Variants in SORCS2 observed in about 807,000 individuals in gnomAD.
SORCS2 encodes VPS10 domain-containing receptor SorCS2.
SORCS2 carries 100 observed loss-of-function variants against 141.6 expected under a neutral mutation model. The ratio of observed to expected loss-of-function variants is 0.71; its 90% CI spans 0.60 to 0.83. The LOEUF is 0.83. Ranked by LOEUF, SORCS2 falls within the 40% of genes least tolerant of loss-of-function variation. The pLI is 0.00. For missense variants in SORCS2, 1,646 were observed against 1,560.2 expected, an observed-to-expected ratio of 1.05 and a Z score of -0.93; for synonymous variants, 789 against 676.9, an observed-to-expected ratio of 1.17 and a Z score of -2.57.
chr4:7,508,404 A>T lies in SORCS2; in HGVS notation c.549-23126A>T, dbSNP rs1732409819. Among the ~76,000 whole-genome samples, 4 of 141,340 alleles carry T rather than the reference A, an allele frequency of 2.8e-5. No homozygotes were observed. In the South Asian group the frequency reaches 8.8e-4, roughly 31 times the overall value. The allele number at this position is 141,340 out of a possible 152,430, so 92.7% of individuals were successfully genotyped here. The stretch of plus-strand genomic sequence containing the variant: ...GTCTCACTTTGGCTCATGCTGGAGT[A>T]CAGTGGCATGATCTTGGCTCACTGC... On this transcript the variant is annotated intron_variant, in intron 2 of 26. Transcript: ENST00000507866.
At chr4:7,588,608 C>G (rs773366227) in intron 3 of SORCS2, among the ~76,000 whole-genome samples, 6 of 152,116 alleles carry the variant, frequency 3.9e-5, no homozygotes, top group Non-Finnish European at 8.8e-5. Context: ...CGTGGGCTGG[C>G]CTTACCAGCA....
chr4:7,224,023 A>G (rs1436766348), intron 1 of SORCS2, among the ~76,000 whole-genome samples: 2 of 152,232 alleles, frequency 1.3e-5, no homozygotes, highest in Non-Finnish European at 2.9e-5. Flanking sequence ...ATAGCAATGC[A>G]GAGAGGGTGG....
intron 3 of SORCS2, among the ~76,000 whole-genome samples, chr4:7,568,629 C>T (rs892323878): frequency 2.6e-5 from 4 of 152,048 alleles, no homozygotes; most frequent in African/African-American, 4.8e-5. Context: ...AGGTGGAAAC[C>T]GTGAACAACC....
intron 2 of SORCS2, among the ~76,000 whole-genome samples, chr4:7,416,586 A>G (rs901915551): frequency 6.6e-6 from 1 of 152,146 alleles, no homozygotes; most frequent in African/African-American, 2.4e-5. Context: ...ACATGCAGAC[A>G]CATGCTCACA....
intron 2 of SORCS2, among the ~76,000 whole-genome samples, chr4:7,413,492 C>G (rs2109161884): frequency 7.0e-6 from 1 of 142,676 alleles, no homozygotes; most frequent in South Asian, 2.4e-4. Context: ...CTCCTGGGTT[C>G]AAGTGATTCC....
intron 2 of SORCS2, among the ~76,000 whole-genome samples, chr4:7,497,614 G>C (rs983585058): frequency 6.6e-6 from 1 of 152,262 alleles, no homozygotes; most frequent in Non-Finnish European, 1.5e-5. Flanking sequence ...GGTCCCTGCT[G>C]TATGTTGAGC....
chr4:7,506,860 A>G (rs4689134), intron 2 of SORCS2, among the ~76,000 whole-genome samples: 113,998 of 152,108 alleles, frequency 0.75, 43,080 homozygotes, highest in East Asian at 0.99. Flanking sequence ...AAAACAACAA[A>G]CAAATGAAAC....
chr4:7,397,610 G>A (rs1385828383), intron 2 of SORCS2, among the ~76,000 whole-genome samples: 1 of 152,162 alleles, frequency 6.6e-6, no homozygotes. Flanking sequence ...TGCTGGTGGG[G>A]TTGCTTTAAA....
At chr4:7,486,503 G>A (rs1385903577) in intron 2 of SORCS2, among the ~76,000 whole-genome samples, 1 of 152,202 alleles carries the variant, frequency 6.6e-6, no homozygotes, top group Admixed American at 6.5e-5. Flanking sequence ...GTTCCTGCGG[G>A]ACCCGAGGCT....
intron 2 of SORCS2, among the ~76,000 whole-genome samples, chr4:7,503,048 C>T (rs754706294): frequency 1.1e-4 from 16 of 152,202 alleles, no homozygotes; most frequent in African/African-American, 2.9e-4. Context: ...GCCCTGCCAG[C>T]GGTAGCATCC....
intron 1 of SORCS2, among the ~76,000 whole-genome samples, chr4:7,349,129 C>A (rs11726574): frequency 0.17 from 26,344 of 152,070 alleles, 2,681 homozygotes; most frequent in Non-Finnish European, 0.23. Context: ...TGTTAGCATA[C>A]TTCATCATTG....
chr4:7,629,311 G>A (rs969288913), intron 3 of SORCS2, among the ~76,000 whole-genome samples: 11 of 152,258 alleles, frequency 7.2e-5, no homozygotes, highest in South Asian at 2.1e-4. Flanking sequence ...CACAGCCTCC[G>A]GGAAGGGGCT....
intron 1 of SORCS2, among the ~76,000 whole-genome samples, chr4:7,376,173 G>A (rs763055575): frequency 2.0e-5 from 3 of 152,152 alleles, no homozygotes; most frequent in Non-Finnish European, 4.4e-5. Context: ...CTGCTTCTGT[G>A]TGCCATGGGA....
chr4:7,584,576 G>T (rs537957133), intron 3 of SORCS2, among the ~76,000 whole-genome samples: 1 of 152,294 alleles, frequency 6.6e-6, no homozygotes, highest in African/African-American at 2.4e-5. Context: ...AGGTTTTTCT[G>T]AGTGACGAGT....
At chr4:7,353,123 G>C (rs1297771997) in intron 1 of SORCS2, among the ~76,000 whole-genome samples, 1 of 152,208 alleles carries the variant, frequency 6.6e-6, no homozygotes, top group Non-Finnish European at 1.5e-5. Flanking sequence ...GAGGAGGATG[G>C]AGTCAGCCAC....
intron 2 of SORCS2, among the ~76,000 whole-genome samples, chr4:7,488,739 G>A (rs142566943): frequency 3.9e-5 from 6 of 152,330 alleles, no homozygotes; most frequent in African/African-American, 1.4e-4. Flanking sequence ...GGCAGACATG[G>A]CCGCCCTATT....
intron 3 of SORCS2, among the ~76,000 whole-genome samples, chr4:7,620,796 C>T (rs1004039008): frequency 6.6e-6 from 1 of 152,150 alleles, no homozygotes; most frequent in East Asian, 1.9e-4. Context: ...GTGGTGAAGG[C>T]GCTGAGGGTC....
At chr4:7,602,118 C>G (rs1387974873) in intron 3 of SORCS2, among the ~76,000 whole-genome samples, 1 of 152,272 alleles carries the variant, frequency 6.6e-6, no homozygotes, top group African/African-American at 2.4e-5. Context: ...TTTCCCCACA[C>G]TTCCCCCACT....
intron 2 of SORCS2, among the ~76,000 whole-genome samples, chr4:7,458,125 G>A (rs984554773): frequency 2.7e-4 from 41 of 152,164 alleles, no homozygotes; most frequent in Admixed American, 7.8e-4. Context: ...TTGAGGGAGG[G>A]AAGGGTCTTC....
Sources: allele counts gnomAD v4.1 joint callset (sites outside exome capture counted in the v4.1 genomes callset), GRCh38; gene constraint gnomAD v4.1.1; transcripts MANE v1.5; gene names NCBI Gene and HGNC (gene_info 2026-07-23, HGNC 2026-07-21).